GLUD1: variants seen among roughly 807,000 people sequenced by gnomAD.
GLUD1 encodes the protein glutamate dehydrogenase 1, mitochondrial.
A neutral mutation model predicts 56.0 loss-of-function variants in GLUD1; 22 were observed. The observed-to-expected ratio is 0.39, with a 90% CI of 0.28 to 0.56. The LOEUF is 0.56. Ranked by LOEUF, GLUD1 falls within the 20% of genes least tolerant of loss-of-function variation. The probability of loss-of-function intolerance (pLI) is 0.58; values close to 1 mark genes in which losing one functional copy is unlikely to be tolerated. For missense variants in GLUD1, 451 were observed against 732.0 expected, an observed-to-expected ratio of 0.62 and a Z score of 4.43; for synonymous variants, 223 against 269.9, an observed-to-expected ratio of 0.83 and a Z score of 1.70.
At chr10:87,086,669 A>C in intron 1 of GLUD1, among the ~76,000 whole-genome samples, 1 of 145,976 alleles carries the variant, frequency 6.9e-6, no homozygotes, top group East Asian at 2.0e-4. Context: ...TAAAAATACA[A>C]AAAAAAAAAA....
intron 4 of GLUD1, 43 bp downstream of exon 4, chr10:87,074,508 A>T: frequency 4.4e-6 from 5 of 1,129,574 alleles, no homozygotes; most frequent in Admixed American, 1.7e-5. Context: ...AAAAATTTTT[A>T]GATGTTCCCA....
chr10:87,093,847 T>A, intron 1 of GLUD1: 3 of 1,087,914 alleles, frequency 2.8e-6, no homozygotes, highest in Non-Finnish European at 3.7e-6. Context: ...TCATTTTCTA[T>A]GTTCGGATAT....
chr10:87,083,428 T>C (rs1841308759), intron 1 of GLUD1, among the ~76,000 whole-genome samples: 1 of 152,084 alleles, frequency 6.6e-6, no homozygotes, highest in African/African-American at 2.4e-5. Context: ...TTCAAAAAAG[T>C]CAAATAATAG....
chr10:87,080,145 G>C (rs1841176723), intron 1 of GLUD1, among the ~76,000 whole-genome samples: 2 of 151,996 alleles, frequency 1.3e-5, no homozygotes, highest in South Asian at 4.2e-4. Flanking sequence ...TCGCTGTGTT[G>C]GCCGGGCTGG....
Position 87,070,329 on chromosome 10 carries a change from G to A in GLUD1, c.647-2172C>T, listed in dbSNP as rs768037273. Among the ~76,000 whole-genome samples the A allele has an allele frequency of 7.3e-5, 11 of 151,482 alleles. No individual in the cohort carries two copies. The South Asian group carries it at 2.1e-3, about 29-fold the overall frequency. ...AAAAAACAAAAAACCGGCTGGGCGC[G>A]GTGGCTCACGCCTGTAATCCCAGCA... is the stretch of plus-strand genomic sequence containing the variant. On this transcript the variant is annotated intron_variant, in intron 4 of 12. Coordinates refer to ENST00000277865, the MANE Select transcript of GLUD1 (RefSeq NM_005271.5).
At chr10:87,055,849 C>T (rs1474822030) in intron 11 of GLUD1, among the ~76,000 whole-genome samples, 2 of 152,106 alleles carry the variant, frequency 1.3e-5, no homozygotes, top group Non-Finnish European at 2.9e-5. Context: ...GGCGCGGTGG[C>T]TCACGCCTGT....
chr10:87,076,731 G>A (rs1846407197), intron 1 of GLUD1, 75 bp from the exon 2 acceptor site: 10 of 878,572 alleles, frequency 1.1e-5, no homozygotes, highest in Non-Finnish European at 1.8e-5. Flanking sequence ...ACTTAAGTAA[G>A]CTTCAAAAAA....
At chr10:87,063,882 G>A (rs911069835) in intron 5 of GLUD1, among the ~76,000 whole-genome samples, 2 of 151,268 alleles carry the variant, frequency 1.3e-5, no homozygotes, top group Admixed American at 1.3e-4. Context: ...CTCTTTCTTT[G>A]TCTTTTTTTT....
chr10:87,066,945 G>T (rs1340363401), intron 5 of GLUD1, among the ~76,000 whole-genome samples: 1 of 152,148 alleles, frequency 6.6e-6, no homozygotes, highest in African/African-American at 2.4e-5. Flanking sequence ...CTGGTTCTCT[G>T]TGACTCAGCC....
At chr10:87,062,242 C>T (rs1845956798) in intron 6 of GLUD1, among the ~76,000 whole-genome samples, 1 of 152,192 alleles carries the variant, frequency 6.6e-6, no homozygotes, top group African/African-American at 2.4e-5. Flanking sequence ...CAAGTAATTT[C>T]AACTTAATTA....
rs1398248649 is a variant in GLUD1 at position 87,094,651 on chromosome 10, G to A, written c.119C>T (p.Ala40Val). The A allele has an allele frequency of 6.3e-7, 1 of 1,597,842 alleles. No homozygotes were observed. The highest frequency in any genetic ancestry group is 8.5e-7 in the Non-Finnish European group (1 of 1,173,132). ...LGWARGQPAA[A>V]PQPGLALAAR... is the part of the protein sequence containing the mutation. ...GGCCAATGCCAGCCCCGGCTGCGGG[G>A]CGGCGGCGGGCTGTCCCCGGGCCCA... Residue 40 changes from alanine (A) to valine (V), a missense_variant, in exon 1 of 13, where the codon GCC becomes GTC. Transcript: ENST00000277865. This position sits in a 1 kb window ranked among gnomAD's most constrained non-coding sequence, Gnocchi z 6.6.
chr10:87,077,478 A>G (rs1458799030), intron 1 of GLUD1, among the ~76,000 whole-genome samples: 2 of 151,438 alleles, frequency 1.3e-5, no homozygotes, highest in Admixed American at 1.3e-4. Flanking sequence ...GAAAATGAGA[A>G]AGCCATTTTC....
intron 10 of GLUD1, among the ~76,000 whole-genome samples, chr10:87,058,898 GAAAA>G (rs906796992): frequency 1.4e-5 from 2 of 146,024 alleles, no homozygotes; most frequent in Admixed American, 6.8e-5. Flanking sequence ...CTCAAAAAAA[GAAAA>G]AAAAAATGTA....
In GLUD1 at chr10:87,094,725, C is replaced by T. The variant is rs754568150; in HGVS notation, c.45G>A (p.Gly15=). 40 of 1,516,910 alleles carry T rather than the reference C, an allele frequency of 2.6e-5. No homozygotes were observed. In the African/African-American group the frequency reaches 5.2e-4, roughly 20 times the overall value. 94.0% of individuals were successfully genotyped at this position (1,516,910 alleles called of 1,614,324 possible). A position where few individuals can be genotyped will look rare whatever the true frequency, so the allele number is the denominator to read the frequency against. Residue 15 remains glycine (G), a synonymous_variant, in exon 1 of 13, where the codon GGG becomes GGA. Transcript: ENST00000277865. The surrounding 1 kb of genome is among the most constrained non-coding windows in gnomAD (Gnocchi z 6.6). ...CGGACGCCGAGCCCAGGGCAGCGGG[C>T]CCGGCCCGGGACAGCAACAGCGCTT... is the stretch of plus-strand genomic sequence containing the variant. The part of the protein sequence containing the change: ...LGEALLLSRA[G]PAALGSASAD...
chr10:87,082,942 G>A (rs1484684795), intron 1 of GLUD1, among the ~76,000 whole-genome samples: 3 of 152,180 alleles, frequency 2.0e-5, no homozygotes, highest in Non-Finnish European at 4.4e-5. Context: ...TAAGGGACAC[G>A]AAGAGATTTA....
chr10:87,080,564 G>C (rs1361582261), intron 1 of GLUD1, among the ~76,000 whole-genome samples: 1 of 151,720 alleles, frequency 6.6e-6, no homozygotes, highest in Non-Finnish European at 1.5e-5. Context: ...CATCGTCTGC[G>C]ATGTGGGGAG....
chr10:87,079,928 C>T (rs1397406451), intron 1 of GLUD1, among the ~76,000 whole-genome samples: 2 of 127,906 alleles, frequency 1.6e-5, no homozygotes, highest in South Asian at 2.9e-4. Context: ...CTCTCCCTCC[C>T]CCTCTCCCTC....
chr10:87,083,595 G>A (rs1841312339), intron 1 of GLUD1, among the ~76,000 whole-genome samples: 1 of 152,218 alleles, frequency 6.6e-6, no homozygotes, highest in African/African-American at 2.4e-5. Flanking sequence ...AGGACCAACA[G>A]AGATCAAACA....
chr10:87,074,094 C>G (rs578008196), intron 4 of GLUD1, among the ~76,000 whole-genome samples: 3 of 152,038 alleles, frequency 2.0e-5, no homozygotes, highest in South Asian at 2.1e-4. Context: ...AAAGAATATT[C>G]AGATTGTGCA....
Sources: allele counts gnomAD v4.1 joint callset (sites outside exome capture counted in the v4.1 genomes callset), GRCh38; gene constraint gnomAD v4.1.1; non-coding constraint Gnocchi (gnomAD v3.1); transcripts MANE v1.5; gene names NCBI Gene and HGNC (gene_info 2026-07-23, HGNC 2026-07-21).